Variants in PDZRN4 observed in about 807,000 individuals in gnomAD.
PDZRN4 encodes PDZ domain-containing RING finger protein 4.
In PDZRN4, 70 loss-of-function variants were observed where a neutral mutation model predicts 99.0. That is an observed-to-expected ratio of 0.71 (90% CI 0.58 to 0.86). PDZRN4 has a LOEUF of 0.86. PDZRN4 is among the 40% of genes least tolerant of loss of function. The pLI, the probability that PDZRN4 is intolerant of heterozygous loss-of-function variation, is 0.00. For synonymous variants in PDZRN4, 551 were observed against 501.6 expected, an observed-to-expected ratio of 1.10 and a Z score of -1.32; for missense variants, 1,474 against 1,331.2, an observed-to-expected ratio of 1.11 and a Z score of -1.67.
chr12:41,557,257 G>T (rs1939185152), intron 7 of PDZRN4, among the ~76,000 whole-genome samples: 1 of 151,922 alleles, frequency 6.6e-6, no homozygotes, highest in Non-Finnish European at 1.5e-5. Context: ...CTTTGGGATG[G>T]AATTTCACTG....
At chr12:41,443,385 T>C (rs971962515) in intron 3 of PDZRN4, among the ~76,000 whole-genome samples, 1 of 151,764 alleles carries the variant, frequency 6.6e-6, no homozygotes. Flanking sequence ...GGATTGGGAG[T>C]TGGAAACTAT....
At chr12:41,204,720 C>T (rs1950836942) in intron 3 of PDZRN4, among the ~76,000 whole-genome samples, 1 of 152,026 alleles carries the variant, frequency 6.6e-6, no homozygotes, top group African/African-American at 2.4e-5. Flanking sequence ...CACCTGGTCT[C>T]TCCCTTGACG....
intron 3 of PDZRN4, among the ~76,000 whole-genome samples, chr12:41,206,934 T>C (rs1950855064): frequency 6.6e-6 from 1 of 151,978 alleles, no homozygotes; most frequent in Non-Finnish European, 1.5e-5. Flanking sequence ...AGTCTTACAC[T>C]GTCTATTTTG....
At chr12:41,219,966 G>A (rs1473375191) in intron 3 of PDZRN4, among the ~76,000 whole-genome samples, 3 of 152,058 alleles carry the variant, frequency 2.0e-5, no homozygotes, top group African/African-American at 7.2e-5. Context: ...GTAAATCCAT[G>A]GGAGTGCTTT....
intron 5 of PDZRN4, among the ~76,000 whole-genome samples, chr12:41,544,862 G>A (rs1938919227): frequency 6.6e-6 from 1 of 152,110 alleles, no homozygotes; most frequent in Non-Finnish European, 1.5e-5. Context: ...TTCAGACCAG[G>A]TCCCTTAGCT....
At chr12:41,551,271 T>C (rs1294550031) in intron 5 of PDZRN4, among the ~76,000 whole-genome samples, 2 of 152,214 alleles carry the variant, frequency 1.3e-5, no homozygotes, top group Admixed American at 6.5e-5. Context: ...CTAATCTTTT[T>C]CATGAGGGCT....
intron 4 of PDZRN4, among the ~76,000 whole-genome samples, chr12:41,509,006 C>T (rs1477592640): frequency 6.6e-6 from 1 of 152,110 alleles, no homozygotes; most frequent in Non-Finnish European, 1.5e-5. Flanking sequence ...GCTTAGTCTT[C>T]ATATGGTATG....
intron 3 of PDZRN4, among the ~76,000 whole-genome samples, chr12:41,381,966 G>A (rs1295277455): frequency 6.6e-6 from 1 of 152,082 alleles, no homozygotes; most frequent in East Asian, 1.9e-4. Flanking sequence ...CTCTTATTTG[G>A]TAGGGCCACC....
intron 3 of PDZRN4, among the ~76,000 whole-genome samples, chr12:41,360,971 TGTGTG>T (rs1951960143): frequency 7.5e-6 from 1 of 132,522 alleles, no homozygotes; most frequent in African/African-American, 2.7e-5. Context: ...TGTGTGTGTG[TGTGTG>T]TATTCTTTGG....
At chr12:41,555,241 A>AAAAAAAAAAAAGAAAAG (rs1939135516) in intron 6 of PDZRN4, among the ~76,000 whole-genome samples, 3 of 119,978 alleles carry the variant, frequency 2.5e-5, no homozygotes, top group Non-Finnish European at 4.9e-5. Flanking sequence ...AAAAAAAAAA[A>AAAAAAAAAAAAGAAAAG]AAAAAAAAGA....
chr12:41,526,766 A>G (rs758183391), intron 5 of PDZRN4, among the ~76,000 whole-genome samples: 71 of 152,216 alleles, frequency 4.7e-4, no homozygotes, highest in Non-Finnish European at 7.6e-4. Context: ...ATACAAACAC[A>G]GATCATGGTA....
intron 3 of PDZRN4, among the ~76,000 whole-genome samples, chr12:41,229,489 C>T (rs541652263): frequency 1.3e-5 from 2 of 152,132 alleles, no homozygotes; most frequent in African/African-American, 4.8e-5. Flanking sequence ...GTTATGATTG[C>T]ACACTACATG....
intron 3 of PDZRN4, among the ~76,000 whole-genome samples, chr12:41,301,189 G>A (rs12312256): frequency 0.26 from 39,505 of 151,814 alleles, 5,458 homozygotes; most frequent in African/African-American, 0.35. Flanking sequence ...AGGGGGATGG[G>A]GGAAGAGGCA....
chr12:41,394,900 C>T (rs981618847), intron 3 of PDZRN4, among the ~76,000 whole-genome samples: 5 of 152,122 alleles, frequency 3.3e-5, no homozygotes, highest in South Asian at 2.1e-4. Flanking sequence ...GAGAGTGGCA[C>T]ACCATCGCTT....
At chr12:41,259,813 A>C (rs558006299) in intron 3 of PDZRN4, among the ~76,000 whole-genome samples, 1 of 152,156 alleles carries the variant, frequency 6.6e-6, no homozygotes. Context: ...TCTCTTTTAG[A>C]TATCTTCATT....
At chr12:41,251,730 C>A (rs368774065) in intron 3 of PDZRN4, among the ~76,000 whole-genome samples, 1 of 152,162 alleles carries the variant, frequency 6.6e-6, no homozygotes, top group Admixed American at 6.5e-5. Context: ...TTACCTGAGT[C>A]ATTCACACTA....
chr12:41,456,964 T>C (rs1161600288), intron 3 of PDZRN4, among the ~76,000 whole-genome samples: 3 of 152,252 alleles, frequency 2.0e-5, no homozygotes, highest in Middle Eastern at 3.4e-3. Context: ...TTTGCAGCCA[T>C]AGTGTGTGGG....
chr12:41,260,158 T>C (rs1951227741), intron 3 of PDZRN4, among the ~76,000 whole-genome samples: 1 of 152,188 alleles, frequency 6.6e-6, no homozygotes, highest in South Asian at 2.1e-4. Context: ...GTTCTTTCTT[T>C]TGGCCAATTC....
At chr12:41,549,739 T>C (rs1283592411) in intron 5 of PDZRN4, among the ~76,000 whole-genome samples, 1 of 152,222 alleles carries the variant, frequency 6.6e-6, no homozygotes, top group African/African-American at 2.4e-5. Flanking sequence ...GAGATATTTA[T>C]GTATCAATTA....
Sources: allele counts gnomAD v4.1 joint callset (sites outside exome capture counted in the v4.1 genomes callset), GRCh38; gene constraint gnomAD v4.1.1; transcripts MANE v1.5; gene names NCBI Gene and HGNC (gene_info 2026-07-23, HGNC 2026-07-21).